SNTB1: variants seen among roughly 807,000 people sequenced by gnomAD.
SNTB1 encodes syntrophin beta 1.
A neutral mutation model predicts 48.9 loss-of-function variants in SNTB1; 36 were observed. That is an observed-to-expected ratio of 0.74 (90% CI 0.56 to 0.97). The LOEUF (loss-of-function observed/expected upper bound fraction) is 0.97, where lower values mean the gene tolerates loss of function less well. SNTB1 is among the 50% of genes least tolerant of loss of function. The probability of loss-of-function intolerance (pLI) is 0.00; values close to 1 mark genes in which losing one functional copy is unlikely to be tolerated. For synonymous variants in SNTB1, 299 were observed against 294.6 expected (o/e 1.01, Z -0.15); for missense variants, 786 against 703.4 (o/e 1.12, Z -1.33).
At chr8:120,634,382 A>G (rs2130756177) in intron 2 of SNTB1, among the ~76,000 whole-genome samples, 1 of 152,254 alleles carries the variant, frequency 6.6e-6, no homozygotes, top group Non-Finnish European at 1.5e-5. Context: ...TAATAGCCCT[A>G]TGACTGATAT....
chr8:120,634,104 C>T (rs1388174824), intron 2 of SNTB1, among the ~76,000 whole-genome samples: 2 of 152,018 alleles, frequency 1.3e-5, no homozygotes, highest in Non-Finnish European at 2.9e-5. Flanking sequence ...CTAACCTGTT[C>T]TCCGTATCTG....
At chr8:120,730,063 A>G (rs1258612131) in intron 1 of SNTB1, among the ~76,000 whole-genome samples, 1 of 152,202 alleles carries the variant, frequency 6.6e-6, no homozygotes, top group Non-Finnish European at 1.5e-5. Flanking sequence ...CATAAATCTC[A>G]TTTTTATAAA....
At chr8:120,687,435 A>G (rs1818052606) in intron 2 of SNTB1, among the ~76,000 whole-genome samples, 1 of 152,210 alleles carries the variant, frequency 6.6e-6, no homozygotes, top group Non-Finnish European at 1.5e-5. Context: ...GGGAAACCTC[A>G]GGCTATTTAT....
At chr8:120,550,260 G>A (rs1320450907) in intron 4 of SNTB1, among the ~76,000 whole-genome samples, 2 of 152,140 alleles carry the variant, frequency 1.3e-5, no homozygotes, top group Non-Finnish European at 2.9e-5. Flanking sequence ...AGATATGGAA[G>A]GCCAGGCATG....
At chr8:120,698,171 A>G (rs953685762) in intron 1 of SNTB1, among the ~76,000 whole-genome samples, 4 of 152,196 alleles carry the variant, frequency 2.6e-5, no homozygotes, top group African/African-American at 9.7e-5. Context: ...ACCAAGAAAA[A>G]TAGAAATAAG....
At chr8:120,774,479 T>C (rs753137286) in intron 1 of SNTB1, among the ~76,000 whole-genome samples, 1 of 152,220 alleles carries the variant, frequency 6.6e-6, no homozygotes, top group Non-Finnish European at 1.5e-5. Context: ...GGCAGCTGTG[T>C]GGCATACGGA....
intron 4 of SNTB1, among the ~76,000 whole-genome samples, chr8:120,574,617 C>A (rs1205483738): frequency 6.6e-6 from 1 of 152,194 alleles, no homozygotes; most frequent in Non-Finnish European, 1.5e-5. Flanking sequence ...AGCCACCCTT[C>A]CACAGGAAGC....
chr8:120,620,957 CTTT>C (rs1816785196), intron 3 of SNTB1, among the ~76,000 whole-genome samples: 1 of 92,042 alleles, frequency 1.1e-5, no homozygotes, highest in Non-Finnish European at 2.9e-5. Flanking sequence ...TCTTTTCTTT[CTTT>C]TTTCTTTCTT....
chr8:120,730,898 T>A (rs1238455131), intron 1 of SNTB1, among the ~76,000 whole-genome samples: 1 of 152,036 alleles, frequency 6.6e-6, no homozygotes, highest in African/African-American at 2.4e-5. Flanking sequence ...GACATGTGGA[T>A]CAGTTGAGGT....
Position 120,811,672 on chromosome 8 carries a change from T to C in SNTB1, c.172A>G (p.Asn58Asp). 1.3e-6 allele frequency: 2 copies of C among 1,592,650 alleles called. No homozygotes were observed. The highest frequency in any genetic ancestry group is 2.2e-5 in the South Asian group (2 of 89,048). Residue 58 changes from asparagine to aspartate, a missense_variant, in exon 1 of 7, where the codon AAC (asparagine) becomes GAC (aspartate). Asn to Asp is a conservative substitution (Grantham distance 23, BLOSUM62 1). Transcript: ENST00000517992. ...LSSEEGAAAY[N>D]GIGTATNGSF... ...CCATTGGTGGCGGTCCCGATGCCGT[T>C]GTACGCCGCAGCGCCCTCCTCGCTG...
At chr8:120,581,573 C>T (rs1329555775) in intron 3 of SNTB1, among the ~76,000 whole-genome samples, 1 of 151,982 alleles carries the variant, frequency 6.6e-6, no homozygotes, top group Non-Finnish European at 1.5e-5. Context: ...CATTGCACTC[C>T]AGCCTCGGCA....
At chr8:120,642,674 A>G (rs1022566604) in intron 2 of SNTB1, among the ~76,000 whole-genome samples, 6 of 152,152 alleles carry the variant, frequency 3.9e-5, no homozygotes, top group Non-Finnish European at 7.4e-5. Flanking sequence ...GCACTTTGGG[A>G]GGCTGAAGTG....
At chr8:120,636,089 T>C (rs1316210524) in intron 2 of SNTB1, 8 of 468,428 alleles carry the variant, frequency 1.7e-5, no homozygotes, top group South Asian at 1.5e-4. Flanking sequence ...TTATTTCTTA[T>C]AGTTATGAAG....
At chr8:120,579,284 A>T (rs62526664) in intron 3 of SNTB1, among the ~76,000 whole-genome samples, 29,076 of 152,172 alleles carry the variant, frequency 0.19, 3,469 homozygotes, top group East Asian at 0.44. Flanking sequence ...GGCCCCTCTG[A>T]GACTTTATGT....
chr8:120,646,896 G>T (rs1587060123), intron 2 of SNTB1, among the ~76,000 whole-genome samples: 2 of 151,896 alleles, frequency 1.3e-5, no homozygotes, highest in East Asian at 3.9e-4. Flanking sequence ...AGTCTTGGGA[G>T]AGTGTATGTG....
At chr8:120,564,252 T>C (rs1226161296) in intron 4 of SNTB1, among the ~76,000 whole-genome samples, 1 of 152,114 alleles carries the variant, frequency 6.6e-6, no homozygotes, top group Non-Finnish European at 1.5e-5. Context: ...TAAAGCTAAA[T>C]GTGGGGCCCT....
chr8:120,614,268 A>C (rs964494165), intron 3 of SNTB1, among the ~76,000 whole-genome samples: 3 of 152,240 alleles, frequency 2.0e-5, no homozygotes, highest in Non-Finnish European at 4.4e-5. Flanking sequence ...AAAGTAAAAC[A>C]GCTATCCTTA....
At chr8:120,746,887 A>T (rs1050420326) in intron 1 of SNTB1, among the ~76,000 whole-genome samples, 2 of 152,176 alleles carry the variant, frequency 1.3e-5, no homozygotes, top group Non-Finnish European at 2.9e-5. Flanking sequence ...ACTTTAATTA[A>T]TTTATCCTAA....
intron 1 of SNTB1, among the ~76,000 whole-genome samples, chr8:120,712,752 A>AT (rs1353643862): frequency 2.0e-5 from 3 of 152,124 alleles, no homozygotes; most frequent in African/African-American, 7.2e-5. Context: ...GCAACTATGA[A>AT]CTGTCCATGA....
Sources: gnomAD v4.1 joint callset for allele counts (sites outside exome capture counted in the v4.1 genomes callset) on GRCh38, gnomAD v4.1.1 for gene constraint, MANE v1.5 for transcripts, NCBI Gene and HGNC (gene_info 2026-07-23, HGNC 2026-07-21) for gene names.